Variants in PKP4 observed in about 807,000 individuals in gnomAD.
PKP4 encodes the protein plakophilin-4.
PKP4 carries 90 observed loss-of-function variants against 145.1 expected under a neutral mutation model. The observed-to-expected ratio is 0.62, with a 90% CI of 0.52 to 0.74. The LOEUF is 0.74. Ranked by LOEUF, PKP4 falls within the 30% of genes least tolerant of loss-of-function variation. The pLI, the probability that PKP4 is intolerant of heterozygous loss-of-function variation, is 0.00. For missense variants in PKP4, 1,340 were observed against 1,482.7 expected (o/e 0.90, Z 1.58); for synonymous variants, 563 against 577.2 (o/e 0.98, Z 0.35).
At position 158,527,268 on chromosome 2, in the gene PKP4, G is replaced by A. The variant is rs1033219003; in HGVS notation, c.-5-5912G>A. Among the ~76,000 whole-genome samples, 15 of 146,266 alleles carry A rather than the reference G, an allele frequency of 1.0e-4. No homozygotes were observed. In the South Asian group the frequency reaches 2.1e-3, roughly 20 times the overall value. On this transcript the variant is annotated intron_variant, in intron 1 of 21. Transcript: ENST00000389759. ...AGGCTACAGTAACCCAAACAGCATGGTACTGGTACCAAAACAGAGATATAG... is the reference window on the plus strand; with the variant it reads ...AGGCTACAGTAACCCAAACAGCATGATACTGGTACCAAAACAGAGATATAG...
intron 1 of PKP4, among the ~76,000 whole-genome samples, chr2:158,530,024 C>G (rs1304495948): frequency 1.3e-5 from 2 of 152,138 alleles, no homozygotes; most frequent in Non-Finnish European, 2.9e-5. Flanking sequence ...TTGTTGAAGT[C>G]AGCAGTTGCC....
intron 2 of PKP4, among the ~76,000 whole-genome samples, chr2:158,547,066 A>G (rs1209602739): frequency 6.6e-6 from 1 of 152,166 alleles, no homozygotes; most frequent in East Asian, 1.9e-4. Flanking sequence ...TTTTTGGGCC[A>G]TGGGGGGGCA....
chr2:158,592,489 A>G (rs992500848), intron 3 of PKP4, among the ~76,000 whole-genome samples: 1 of 152,114 alleles, frequency 6.6e-6, no homozygotes, highest in African/African-American at 2.4e-5. Context: ...AGAGCTGAAA[A>G]TGCTGTTACA....
chr2:158,510,769 A>G (rs958295168), intron 1 of PKP4, among the ~76,000 whole-genome samples: 1 of 152,228 alleles, frequency 6.6e-6, no homozygotes. Flanking sequence ...GCATGAGAAT[A>G]GACCTATTCT....
In PKP4 at chr2:158,577,353, G is replaced by A; in HGVS notation, c.215G>A (p.Gly72Glu). 6.2e-7 allele frequency: 1 copy of A among 1,613,254 alleles called. No homozygotes were observed. Among genetic ancestry groups the A allele is most frequent in the Non-Finnish European group, 8.5e-7 (1 of 1,179,636 alleles). The change falls in exon 3 of 22, where the codon GGA (glycine) becomes GAA (glutamate). Residue 72 changes from glycine to glutamate, a missense_variant. By Grantham distance (98) the Gly-to-Glu change is moderately conservative. Transcript: ENST00000389759. ...VASQLERCRL[G>E]AESPSIASTS... ...AGTCAGCTAGAAAGATGTAGGCTTG[G>A]AGCAGAATCACCAAGCATCGCCAGC...
chr2:158,596,742 C>T (rs968996837), intron 3 of PKP4, among the ~76,000 whole-genome samples: 7 of 152,088 alleles, frequency 4.6e-5, no homozygotes, highest in African/African-American at 1.7e-4. Context: ...TTAAAGAGAT[C>T]ATCTGTCATG....
chr2:158,503,914 T>C (rs1696937696), intron 1 of PKP4, among the ~76,000 whole-genome samples: 1 of 150,910 alleles, frequency 6.6e-6, no homozygotes, highest in African/African-American at 2.4e-5. Context: ...TTGCTGATGG[T>C]GCTGGACCAT....
At chr2:158,628,564 C>G (rs923703939) in intron 7 of PKP4, among the ~76,000 whole-genome samples, 1 of 152,144 alleles carries the variant, frequency 6.6e-6, no homozygotes, top group African/African-American at 2.4e-5. Context: ...TCTTTTATTT[C>G]CCATTATAGC....
intron 11 of PKP4, among the ~76,000 whole-genome samples, chr2:158,657,366 A>G (rs545890746): frequency 6.6e-6 from 1 of 152,352 alleles, no homozygotes; most frequent in South Asian, 2.1e-4. Flanking sequence ...CAGAACTCTA[A>G]TAAGCTCCAT....
chr2:158,624,739 G>A, intron 6 of PKP4, 139 bp from the exon 7 acceptor site: 1 of 567,414 alleles, frequency 1.8e-6, no homozygotes, highest in Admixed American at 3.3e-5. Flanking sequence ...CTGGCTCAAA[G>A]CATAAAAAGG....
chr2:158,648,643 C>G (rs1558949322), intron 11 of PKP4, among the ~76,000 whole-genome samples: 3 of 152,172 alleles, frequency 2.0e-5, no homozygotes, highest in Non-Finnish European at 2.9e-5. Context: ...TTTTAGAAAT[C>G]TAGCAACATC....
intron 1 of PKP4, among the ~76,000 whole-genome samples, chr2:158,468,833 G>A (rs542362455): frequency 3.4e-5 from 5 of 148,114 alleles, no homozygotes; most frequent in South Asian, 4.3e-4. Context: ...GTGCAGTGGC[G>A]GTACTATTAT....
intron 3 of PKP4, among the ~76,000 whole-genome samples, chr2:158,580,864 A>G (rs1296269413): frequency 6.6e-6 from 1 of 152,154 alleles, no homozygotes; most frequent in Non-Finnish European, 1.5e-5. Context: ...TCTCAGGAAA[A>G]GTCACCTCCC....
intron 17 of PKP4, among the ~76,000 whole-genome samples, chr2:158,671,071 A>G (rs2057516242): frequency 6.6e-6 from 1 of 152,094 alleles, no homozygotes; most frequent in African/African-American, 2.4e-5. Flanking sequence ...TCTTCCTCTT[A>G]TACCTGACTC....
At chr2:158,511,157 C>T (rs559803755) in intron 1 of PKP4, among the ~76,000 whole-genome samples, 6 of 152,274 alleles carry the variant, frequency 3.9e-5, no homozygotes, top group Admixed American at 3.9e-4. Flanking sequence ...GAGACCAAGG[C>T]GAGCGGATCA....
In PKP4 at chr2:158,676,875, G is replaced by A. The variant is rs762988893; in HGVS notation, c.3256+8G>A. 3.7e-5 allele frequency: 60 copies of A among 1,613,826 alleles called. 3 individuals carry two copies. Among genetic ancestry groups the A allele is most frequent in the South Asian group, 3.2e-4 (29 of 91,080 alleles). ...ATAAAGGCCTGTACCCTGGTAAGACGCCAGTTGGGTGTGTGATACAGTCTC... is the reference window on the plus strand; with the variant it reads ...ATAAAGGCCTGTACCCTGGTAAGACACCAGTTGGGTGTGTGATACAGTCTC... On this transcript the variant is annotated splice_region_variant and intron_variant, in intron 20 of 21. Coordinates refer to ENST00000389759, the MANE Select transcript of PKP4 (RefSeq NM_003628.6).
In PKP4 at chr2:158,676,848, A is replaced by G. The variant is rs2058054347; in HGVS notation, c.3237A>G (p.Thr1079=). 1.9e-6 allele frequency: 3 copies of G among 1,614,098 alleles called. No homozygotes were observed. The East Asian group carries it at 6.7e-5, about 36-fold the overall frequency. The change falls in exon 20 of 22, where the codon ACA becomes ACG. Residue 1079 remains threonine (T), a synonymous_variant. Coordinates refer to ENST00000389759, the MANE Select transcript of PKP4 (RefSeq NM_003628.6). ...MQYYNSQGDA[T]HKGLYPGSSK... ...ATTACAATAGCCAAGGGGATGCCAC[A>G]CATAAAGGCCTGTACCCTGGTAAGA...
At chr2:158,550,827 A>G (rs1233860015) in intron 2 of PKP4, among the ~76,000 whole-genome samples, 3 of 152,254 alleles carry the variant, frequency 2.0e-5, no homozygotes, top group Non-Finnish European at 4.4e-5. Context: ...AGAATTACAA[A>G]ATGAATAATT....
At position 158,642,715 on chromosome 2, in the gene PKP4, G is replaced by A. The variant is rs1475244903; in HGVS notation, c.1909+16G>A. On this transcript the variant is annotated intron_variant, in intron 11 of 21. Transcript: ENST00000389759. ...CTTGTTACAGGTAGGTATAGAATGT[G>A]ATCTCGTCCTAGAGGAAATGTTGAA... 2 of 1,550,960 alleles carry A rather than the reference G, an allele frequency of 1.3e-6. No homozygotes were observed. Among genetic ancestry groups the A allele is most frequent in the Admixed American group, 3.5e-5 (2 of 56,348 alleles).
Sources: allele counts gnomAD v4.1 joint callset (sites outside exome capture counted in the v4.1 genomes callset), GRCh38; gene constraint gnomAD v4.1.1; transcripts MANE v1.5; gene names NCBI Gene and HGNC (gene_info 2026-07-23, HGNC 2026-07-21).